TSHZ3: variants seen among roughly 807,000 people sequenced by gnomAD.
The protein encoded by TSHZ3 is teashirt zinc finger homeobox 3.
A neutral mutation model predicts 64.5 loss-of-function variants in TSHZ3; 10 were observed. The observed-to-expected ratio is 0.16, with a 90% CI of 0.10 to 0.26. The LOEUF is 0.26. Among genes scored for constraint, TSHZ3 ranks in the 10% least tolerant of loss-of-function variants. The pLI, the probability that TSHZ3 is intolerant of heterozygous loss-of-function variation, is 1.00. For missense variants in TSHZ3, 1,242 were observed against 1,421.7 expected (o/e 0.87, Z 2.03); for synonymous variants, 608 against 593.1 (o/e 1.03, Z -0.36).
chr19:31,308,760 C>A, intron 1 of TSHZ3: 2 of 398,520 alleles, frequency 5.0e-6, no homozygotes, highest in South Asian at 2.6e-4. Flanking sequence ...CTGCTGAAAT[C>A]CTGGCTGTGT....
intron 1 of TSHZ3, among the ~76,000 whole-genome samples, chr19:31,297,730 A>T (rs1292864705): frequency 6.6e-6 from 1 of 152,104 alleles, no homozygotes; most frequent in Non-Finnish European, 1.5e-5. Flanking sequence ...AAGCAGTGGG[A>T]TTACAGGCAT....
intron 5 of TSHZ3, among the ~76,000 whole-genome samples, chr19:31,188,096 G>A (rs1022354574): frequency 6.6e-6 from 1 of 151,414 alleles, no homozygotes; most frequent in African/African-American, 2.4e-5. Context: ...GGTGCATTTT[G>A]TACTTTTCAG....
At chr19:31,160,891 C>T (rs1041341384) in intron 5 of TSHZ3, among the ~76,000 whole-genome samples, 2 of 151,936 alleles carry the variant, frequency 1.3e-5, no homozygotes, top group African/African-American at 4.8e-5. Context: ...TATATATATG[C>T]TTTAAATATC....
intron 1 of TSHZ3, among the ~76,000 whole-genome samples, chr19:31,299,912 A>G (rs1397929528): frequency 6.6e-6 from 1 of 152,222 alleles, no homozygotes; most frequent in Non-Finnish European, 1.5e-5. Context: ...ACACTTGTCA[A>G]ATGCCTTTCC....
At chr19:31,152,569 A>T (rs1974256074) in intron 6 of TSHZ3, among the ~76,000 whole-genome samples, 1 of 152,128 alleles carries the variant, frequency 6.6e-6, no homozygotes, top group Non-Finnish European at 1.5e-5. Flanking sequence ...AAGCAGCTGG[A>T]CCTCACCAAG....
intron 1 of TSHZ3, among the ~76,000 whole-genome samples, chr19:31,323,146 C>A (rs1455483089): frequency 6.6e-6 from 1 of 152,210 alleles, no homozygotes; most frequent in Non-Finnish European, 1.5e-5. Context: ...CTTCTGCTAT[C>A]AAATGCTGAG....
chr19:31,199,400 CAAAAAAAA>C (rs61428496), intron 5 of TSHZ3, among the ~76,000 whole-genome samples: 12 of 98,580 alleles, frequency 1.2e-4, no homozygotes, highest in East Asian at 2.9e-4. Flanking sequence ...GAGACTCCGC[CAAAAAAAA>C]AAAAAAAAAA....
At chr19:31,249,887 T>G (rs1975813080) in intron 1 of TSHZ3, among the ~76,000 whole-genome samples, 1 of 152,200 alleles carries the variant, frequency 6.6e-6, no homozygotes, top group South Asian at 2.1e-4. Flanking sequence ...TGGAAGACAC[T>G]CCGTGGTCAA....
intron 3 of TSHZ3, among the ~76,000 whole-genome samples, chr19:31,231,524 A>G (rs1287309416): frequency 6.6e-6 from 1 of 152,172 alleles, no homozygotes; most frequent in Non-Finnish European, 1.5e-5. Context: ...CATTTGTAAA[A>G]ATATTATTTA....
At position 31,200,265 on chromosome 19, in the gene TSHZ3, C is replaced by T. The variant is rs1430588594; in HGVS notation, n.809+4691G>A. 6.6e-5 allele frequency among the ~76,000 whole-genome samples: 10 copies of T among 151,870 alleles called. No individual in the cohort carries two copies. The South Asian group carries it at 2.1e-3, about 32-fold the overall frequency. On this transcript the variant is annotated intron_variant and non_coding_transcript_variant, in intron 5 of 6. Transcript: ENST00000651361. ...ACTTATGTCTGAAAAAAAAAACCTG[C>T]ACATGGATATGTATAGCAGCTTTAT...
At chr19:31,324,594 G>A (rs1048851468) in intron 1 of TSHZ3, among the ~76,000 whole-genome samples, 1 of 152,232 alleles carries the variant, frequency 6.6e-6, no homozygotes, top group African/African-American at 2.4e-5. Context: ...TAGGTTTGGA[G>A]GCCTATGGCC....
intron 6 of TSHZ3, among the ~76,000 whole-genome samples, chr19:31,156,317 A>G (rs894863016): frequency 1.3e-5 from 2 of 152,224 alleles, no homozygotes; most frequent in African/African-American, 2.4e-5. Flanking sequence ...GAAAATTTTT[A>G]GCACTTGTGT....
intron 1 of TSHZ3, among the ~76,000 whole-genome samples, chr19:31,285,944 G>A (rs1386375724): frequency 6.6e-6 from 1 of 152,064 alleles, no homozygotes; most frequent in Non-Finnish European, 1.5e-5. Flanking sequence ...GGGGGAGGAG[G>A]TTCTCATTCA....
At chr19:31,200,151 T>C (rs1975058271) in intron 5 of TSHZ3, among the ~76,000 whole-genome samples, 1 of 152,058 alleles carries the variant, frequency 6.6e-6, no homozygotes, top group Admixed American at 6.5e-5. Context: ...ATTTGGAAGA[T>C]AGTTTGGGAT....
chr19:31,314,389 G>C (rs142509675), intron 1 of TSHZ3, among the ~76,000 whole-genome samples: 180 of 152,328 alleles, frequency 1.2e-3, no homozygotes, highest in African/African-American at 4.1e-3. Flanking sequence ...GGCCGGAACC[G>C]TGTCTCACCT....
At chr19:31,253,109 G>A (rs866968304) in intron 1 of TSHZ3, among the ~76,000 whole-genome samples, 4 of 152,130 alleles carry the variant, frequency 2.6e-5, no homozygotes, top group Admixed American at 6.6e-5. Flanking sequence ...TTAGTTAATC[G>A]AAACCATCTC....
At chr19:31,209,752 G>C (rs1975237653) in intron 4 of TSHZ3, among the ~76,000 whole-genome samples, 1 of 152,160 alleles carries the variant, frequency 6.6e-6, no homozygotes, top group African/African-American at 2.4e-5. Context: ...AATGGCATAA[G>C]GTGTGGGAAT....
At chr19:31,295,486 C>T (rs1350845113) in intron 1 of TSHZ3, among the ~76,000 whole-genome samples, 1 of 152,240 alleles carries the variant, frequency 6.6e-6, no homozygotes, top group African/African-American at 2.4e-5. Context: ...ACAAAATCAA[C>T]TGTTATTCAA....
intron 1 of TSHZ3, among the ~76,000 whole-genome samples, chr19:31,309,403 C>T (rs1228586360): frequency 6.6e-6 from 1 of 151,736 alleles, no homozygotes; most frequent in Non-Finnish European, 1.5e-5. Flanking sequence ...AAAAAAAGGA[C>T]AAAATACTCT....
Sources: gnomAD v4.1 joint callset for allele counts (sites outside exome capture counted in the v4.1 genomes callset) on GRCh38, gnomAD v4.1.1 for gene constraint, MANE v1.5 for transcripts, NCBI Gene and HGNC (gene_info 2026-07-23, HGNC 2026-07-21) for gene names.